The following SMARCA1 variants were observed in gnomAD, a reference collection of about 807,000 sequenced individuals.
SMARCA1 encodes the protein SNF2 related chromatin remodeling ATPase 1.
SMARCA1 carries 17 observed loss-of-function variants against 93.6 expected under a neutral mutation model. The observed-to-expected ratio is 0.18, with a 90% CI of 0.12 to 0.27. The LOEUF (loss-of-function observed/expected upper bound fraction) is 0.27, where lower values mean the gene tolerates loss of function less well. Among genes scored for constraint, SMARCA1 ranks in the 10% least tolerant of loss-of-function variants. The probability of loss-of-function intolerance (pLI) is 1.00; values close to 1 mark genes in which losing one functional copy is unlikely to be tolerated. For synonymous variants in SMARCA1, 271 were observed against 271.4 expected (o/e 1.00, Z 0.01); for missense variants, 630 against 819.0 (o/e 0.77, Z 2.82).
At chrX:129,487,241 A>G (rs1051265784) in intron 16 of SMARCA1, 104 bp from the exon 17 acceptor site, 1 of 549,898 alleles carries the variant, frequency 1.8e-6, no homozygotes, top group Admixed American at 4.1e-5. Flanking sequence ...TGAAATATCC[A>G]GTCTGCTAAT....
chrX:129,452,764 G>A (rs753525531), intron 23 of SMARCA1, among the ~76,000 whole-genome samples: 15 of 112,014 alleles, frequency 1.3e-4, no homozygotes, highest in African/African-American at 3.6e-4. Flanking sequence ...AAGTACAGGC[G>A]TATCTCGTTT....
At position 129,457,116 on chromosome X, in the gene SMARCA1, A is replaced by G. The variant is rs184648058; in HGVS notation, c.3030+8404T>C. Among the ~76,000 whole-genome samples, 468 of 112,394 alleles carry G rather than the reference A, an allele frequency of 4.2e-3. 1 individual carries two copies. Among genetic ancestry groups the G allele is most frequent in the African/African-American group, 0.014 (445 of 30,972 alleles). Reference sequence around the variant, plus strand: ...ACCTTCAGCAACAACCACCCTGATCAGTCAGCAGCAATTCACACTGAGGCA... The same window carrying G: ...ACCTTCAGCAACAACCACCCTGATCGGTCAGCAGCAATTCACACTGAGGCA... On this transcript the variant is annotated intron_variant, in intron 23 of 24. Coordinates refer to ENST00000371121, the MANE Select transcript of SMARCA1 (RefSeq NM_001282874.2).
intron 15 of SMARCA1, among the ~76,000 whole-genome samples, chrX:129,489,475 T>C (rs1396183200): frequency 8.9e-6 from 1 of 112,860 alleles, no homozygotes; most frequent in Non-Finnish European, 1.9e-5. Flanking sequence ...AAGAATAAGC[T>C]AGTGATGTTC....
intron 23 of SMARCA1, among the ~76,000 whole-genome samples, chrX:129,460,071 G>A (rs1932780561): frequency 9.0e-6 from 1 of 110,653 alleles, no homozygotes; most frequent in Admixed American, 9.6e-5. Context: ...GTTCGCTTGA[G>A]TCCAGGAATT....
At chrX:129,499,677 AT>A in intron 10 of SMARCA1, 54 bp downstream of exon 10, 1 of 670,418 alleles carries the variant, frequency 1.5e-6, no homozygotes. Flanking sequence ...TACAAAGCTA[AT>A]TTTTAGTAAA....
intron 19 of SMARCA1, among the ~76,000 whole-genome samples, chrX:129,476,565 C>T (rs1297000182): frequency 1.8e-5 from 2 of 111,620 alleles, no homozygotes; most frequent in Non-Finnish European, 3.8e-5. Context: ...AACCACAGTG[C>T]CCCCAGCTAT....
intron 23 of SMARCA1, among the ~76,000 whole-genome samples, chrX:129,458,315 T>C (rs1216196167): frequency 8.9e-6 from 1 of 112,177 alleles, no homozygotes; most frequent in Non-Finnish European, 1.9e-5. Context: ...CAAAAACAGG[T>C]GGGGGGCCAC....
intron 23 of SMARCA1, among the ~76,000 whole-genome samples, chrX:129,457,340 A>G (rs968273134): frequency 8.9e-5 from 10 of 112,423 alleles, no homozygotes; most frequent in Non-Finnish European, 1.7e-4. Flanking sequence ...TATTTGCTTT[A>G]TTGTAGTGTT....
chrX:129,471,226 T>C lies in SMARCA1; in HGVS notation c.2543A>G (p.Glu848Gly). ...AEPLTPEETEEKEKLLTQGFT... is the reference protein window; with the variant it reads ...AEPLTPEETEGKEKLLTQGFT... ...TACTTGTGTGAGAAGTTTTTCCTTT[T>C]CTTCAGTCTCTTCTGGTGTAAGAGG... Residue 848 changes from glutamate to glycine, a missense_variant, in exon 20 of 25, where the codon GAA becomes GGA. Transcript: ENST00000371121. 1 of 1,194,408 alleles carries C rather than the reference T, an allele frequency of 8.4e-7. No individual in the cohort carries two copies. The highest frequency in any genetic ancestry group is 1.1e-6 in the Non-Finnish European group (1 of 885,604).
intron 7 of SMARCA1, 108 bp downstream of exon 7, chrX:129,507,833 T>C: frequency 1.9e-6 from 1 of 517,247 alleles, no homozygotes; most frequent in Non-Finnish European, 3.0e-6. Flanking sequence ...ATTACAGGCG[T>C]GAGCCACCAC....
At chrX:129,487,747 C>T (rs1389899757) in intron 16 of SMARCA1, among the ~76,000 whole-genome samples, 1 of 111,982 alleles carries the variant, frequency 8.9e-6, no homozygotes, top group African/African-American at 3.2e-5. Flanking sequence ...GAGATGAAAT[C>T]TCAACCATGG....
chrX:129,512,955 G>A (rs1310790051), intron 5 of SMARCA1, among the ~76,000 whole-genome samples: 1 of 111,408 alleles, frequency 9.0e-6, no homozygotes, highest in East Asian at 2.8e-4. Context: ...TACCGCCCAA[G>A]GATTATTATG....
At chrX:129,507,888 C>G (rs1934880956) in intron 7 of SMARCA1, 53 bp downstream of exon 7, 1 of 862,999 alleles carries the variant, frequency 1.2e-6, no homozygotes, top group East Asian at 3.6e-5. Context: ...GAAAAGTGAA[C>G]AAACCAACCT....
intron 1 of SMARCA1, among the ~76,000 whole-genome samples, chrX:129,520,138 CGTGTGTGT>C (rs374631579): frequency 8.3e-5 from 8 of 96,732 alleles, no homozygotes; most frequent in East Asian, 3.3e-4. Flanking sequence ...AACCTTCTCT[CGTGTGTGT>C]GTGTGTGTGT....
intron 23 of SMARCA1, among the ~76,000 whole-genome samples, chrX:129,462,868 AAAG>A (rs921769300): frequency 9.9e-5 from 11 of 111,536 alleles, no homozygotes; most frequent in African/African-American, 3.6e-4. Flanking sequence ...TGTTTTGTAA[AAAG>A]AAGATGGAAG....
rs1193195150 is a variant in SMARCA1, at chrX:129,514,316, C to CA, written c.630+1370dup. Among the ~76,000 whole-genome samples, 383 of 94,746 alleles carry CA rather than the reference C, an allele frequency of 4.0e-3. 1 individual carries two copies. The highest frequency in any genetic ancestry group is 0.013 in the African/African-American group (351 of 26,422). 82.3% of individuals were successfully genotyped at this position (94,746 alleles called of 115,157 possible). On this transcript the variant is annotated intron_variant, in intron 5 of 24. Coordinates refer to ENST00000371121, the MANE Select transcript of SMARCA1 (RefSeq NM_001282874.2). ...TGGGCGACAGAGCGAGACTCCGTCT[C>CA]AAAAAAAAAAAAGCCTTCATGTATT...
At chrX:129,473,604 T>A (rs780252846) in intron 19 of SMARCA1, among the ~76,000 whole-genome samples, 2 of 112,085 alleles carry the variant, frequency 1.8e-5, no homozygotes, top group Non-Finnish European at 3.8e-5. Flanking sequence ...ATCCATACAA[T>A]GGAATAGGTG....
chrX:129,519,065 T>C (rs368267335), intron 1 of SMARCA1, among the ~76,000 whole-genome samples: 4 of 112,222 alleles, frequency 3.6e-5, no homozygotes, highest in Admixed American at 9.4e-5. Context: ...AGAAAACTAC[T>C]TTAAACTATT....
chrX:129,473,199 T>C lies in SMARCA1; in HGVS notation c.2443-1873A>G, dbSNP rs756583860. ...TGAACAAGGGAGTAAAGTGTCAAAA[T>C]GTAGTGTTTTCACCCGGAAGCCTTT... On this transcript the variant is annotated intron_variant, in intron 19 of 24. Coordinates refer to ENST00000371121, the MANE Select transcript of SMARCA1 (RefSeq NM_001282874.2). Among the ~76,000 whole-genome samples, 4 of 111,426 alleles carry C rather than the reference T, an allele frequency of 3.6e-5. No individual in the cohort carries two copies. In the East Asian group the frequency reaches 1.1e-3, roughly 31 times the overall value.
Sources: allele counts gnomAD v4.1 joint callset (sites outside exome capture counted in the v4.1 genomes callset), GRCh38; gene constraint gnomAD v4.1.1; transcripts MANE v1.5; gene names NCBI Gene and HGNC (gene_info 2026-07-23, HGNC 2026-07-21).